The following MUC6 variants were observed in gnomAD, a reference collection of about 807,000 sequenced individuals.
MUC6 encodes the protein mucin-6.
Under a neutral mutation model 201.5 loss-of-function variants are expected in MUC6, and 188 were observed. The observed-to-expected ratio is 0.93, with a 90% CI of 0.83 to 1.05. MUC6 has a LOEUF of 1.05. Among genes scored for constraint, MUC6 ranks in the 50% least tolerant of loss-of-function variants. The pLI, the probability that MUC6 is intolerant of heterozygous loss-of-function variation, is 0.00. For missense variants in MUC6, 2,706 were observed against 3,256.9 expected (o/e 0.83, Z 4.12); for synonymous variants, 1,228 against 1,389.4 (o/e 0.88, Z 2.58).
chr11:1,013,275 A>C lies in MUC6; in HGVS notation c.*181T>G. On this transcript the variant is annotated 3_prime_UTR_variant, in exon 33 of 33. Transcript: ENST00000421673. ...GGGTCTGCAGGAGTGTGGTAGTCTG[A>C]GCCCCTGCTTGGCAGCCCCTCTCCA... is the stretch of plus-strand genomic sequence containing the variant. 2 of 619,160 alleles carry C rather than the reference A, an allele frequency of 3.2e-6. No individual in the cohort carries two copies. Among genetic ancestry groups the C allele is most frequent in the South Asian group, 4.0e-5 (2 of 50,202 alleles). 38.4% of individuals were successfully genotyped at this position (619,160 alleles called of 1,614,324 possible).
chr11:1,024,126 GT>G, intron 24 of MUC6, 23 bp from the exon 25 acceptor site: 1 of 1,602,532 alleles, frequency 6.2e-7, no homozygotes, highest in Admixed American at 1.7e-5. Flanking sequence ...GTGCCAGTCA[GT>G]GTCTGGCTGC....
intron 29 of MUC6, among the ~76,000 whole-genome samples, 160 bp from the exon 30 acceptor site, chr11:1,019,656 C>G (rs1356121960): frequency 6.6e-6 from 1 of 152,214 alleles, no homozygotes; most frequent in Non-Finnish European, 1.5e-5. Context: ...GGTCCTCCCA[C>G]CGTACTCCTG....
In MUC6 at chr11:1,024,843, C is replaced by T. The variant is rs764778723; in HGVS notation, c.3225+1G>A. On this transcript the variant is annotated splice_donor_variant, in intron 24 of 32. Coordinates refer to ENST00000421673, the MANE Select transcript of MUC6 (RefSeq NM_005961.3). LOFTEE classifies it high-confidence loss of function. ...GCACAGCCCTCGTGCCCGGTGCCCACCTTGCTGTGGCAGGTGGCAAAGGTC... is the reference window on the plus strand; with the variant it reads ...GCACAGCCCTCGTGCCCGGTGCCCATCTTGCTGTGGCAGGTGGCAAAGGTC... The T allele has an allele frequency of 2.5e-6, 4 of 1,608,074 alleles. No homozygotes were observed. Among genetic ancestry groups the T allele is most frequent in the Non-Finnish European group, 3.4e-6 (4 of 1,176,312 alleles).
chr11:1,025,248 C>T lies in MUC6; in HGVS notation c.2919G>A (p.Arg973=), dbSNP rs374036863. 2 of 1,612,692 alleles carry T rather than the reference C, an allele frequency of 1.2e-6. No individual in the cohort carries two copies. Among genetic ancestry groups the T allele is most frequent in the African/African-American group, 2.7e-5 (2 of 74,954 alleles). ...SLVVDISIPG[R]YNLTLIWNRH... Reference sequence around the variant, plus strand: ...TGTTCCAGATGAGCGTCAGGTTGTACCTCCCGGGGATGCTGATGTCCACGA... The same window carrying T: ...TGTTCCAGATGAGCGTCAGGTTGTATCTCCCGGGGATGCTGATGTCCACGA... The change falls in exon 23 of 33, where the codon AGG becomes AGA. Residue 973 remains arginine, a synonymous_variant. Transcript: ENST00000421673.
In MUC6 at chr11:1,028,216, G is replaced by A. The variant is rs1233075405; in HGVS notation, c.1753+10C>T. The A allele has an allele frequency of 1.3e-5, 20 of 1,560,228 alleles. No homozygotes were observed. The highest frequency in any genetic ancestry group is 2.4e-5 in the South Asian group (2 of 84,844). On this transcript the variant is annotated intron_variant, in intron 14 of 32. Coordinates refer to ENST00000421673, the MANE Select transcript of MUC6 (RefSeq NM_005961.3). ...GGGGCAGCCAGGGGAGTGGGGGGCC[G>A]GACACTCACTGTTGAGCTGGCTCAT...
intron 19 of MUC6, 38 bp from the exon 20 acceptor site, chr11:1,026,516 C>T (rs1423724488): frequency 6.5e-7 from 1 of 1,527,118 alleles, no homozygotes; most frequent in Non-Finnish European, 8.8e-7. Context: ...GGGAGGGTGG[C>T]CTCAGCCAGC....
chr11:1,023,657 G>T lies in MUC6; in HGVS notation c.3383-5C>A. ...TGTAGAAGCCGCAGTAGATGGCTGG[G>T]AGGAAGGGAGCTGTCAGCTGGTGGG... On this transcript the variant is annotated splice_polypyrimidine_tract_variant and splice_region_variant and intron_variant, in intron 25 of 32. Transcript: ENST00000421673. 1 of 1,611,954 alleles carries T rather than the reference G, an allele frequency of 6.2e-7. No homozygotes were observed. Among genetic ancestry groups the T allele is most frequent in the South Asian group, 1.1e-5 (1 of 90,972 alleles).
chr11:1,025,322 C>T lies in MUC6; in HGVS notation c.2845G>A (p.Glu949Lys). 1 of 1,612,272 alleles carries T rather than the reference C, an allele frequency of 6.2e-7. No homozygotes were observed. Among genetic ancestry groups the T allele is most frequent in the Middle Eastern group, 1.7e-4 (1 of 6,060 alleles). The change falls in exon 23 of 33, where the codon GAG (glutamate) becomes AAG (lysine). Residue 949 changes from glutamate (E) to lysine (K), a missense_variant. By Grantham distance (56) the Glu-to-Lys change is moderately conservative. This residue lies in a region of MUC6 where 1,850 missense variants were observed against 1,958.3 expected (regional missense o/e 0.94). Coordinates refer to ENST00000421673, the MANE Select transcript of MUC6 (RefSeq NM_005961.3). Reference protein sequence around the residue: ...LADRNYTVTGEEPHVQLGVTP... With the variant: ...LADRNYTVTGKEPHVQLGVTP... ...ACCCCGAGCTGCACGTGGGGCTCCT[C>T]CCCGGTGACCGTGTAGTTTCTGTCC...
At position 1,033,857 on chromosome 11, in the gene MUC6, G is replaced by A. The variant is rs960329083; in HGVS notation, c.53-782C>T. Among the ~76,000 whole-genome samples, 4 of 151,960 alleles carry A rather than the reference G, an allele frequency of 2.6e-5. No homozygotes were observed. Among genetic ancestry groups the A allele is most frequent in the East Asian group, 1.9e-4 (1 of 5,164 alleles). The stretch of plus-strand genomic sequence containing the variant: ...GCCCCCGATGTCTGAGTGGTGGTGC[G>A]GCACCTGAGCAGGACCCGTGACCTC... On this transcript the variant is annotated intron_variant, in intron 1 of 32. Coordinates refer to ENST00000421673, the MANE Select transcript of MUC6 (RefSeq NM_005961.3). The surrounding 1 kb of genome is among the most constrained non-coding windows in gnomAD (Gnocchi z 5.6).
chr11:1,030,621 T>C lies in MUC6; in HGVS notation c.844A>G (p.Ser282Gly), dbSNP rs1857078715. The change falls in exon 7 of 33, where the codon AGC becomes GGC. Residue 282 changes from serine to glycine, a missense_variant. Physicochemically the swap from Ser to Gly is moderately conservative, Grantham distance 56. This residue lies in a region of MUC6 where 1,850 missense variants were observed against 1,958.3 expected (regional missense o/e 0.94). Coordinates refer to ENST00000421673, the MANE Select transcript of MUC6 (RefSeq NM_005961.3). ...ATLSEYSRQC[S>G]MVGQPVRRWR... is the part of the protein sequence containing the mutation. ...CGGCGGACCGGCTGGCCCACCATGC[T>C]GCACTGGCGGGAGTACTCCGACAGG... The C allele has an allele frequency of 1.3e-6, 2 of 1,541,754 alleles. No homozygotes were observed. The highest frequency in any genetic ancestry group is 2.4e-5 in the East Asian group (1 of 41,078).
At chr11:1,032,928 G>A in intron 2 of MUC6, 85 bp downstream of exon 2, 2 of 1,240,278 alleles carry the variant, frequency 1.6e-6, no homozygotes, top group East Asian at 4.7e-5. Flanking sequence ...GTGTCTTGGG[G>A]GTGACCTGGG....
In MUC6 at chr11:1,018,567, C is replaced by G; in HGVS notation, c.4234G>C (p.Ala1412Pro). The change falls in exon 31 of 33, where the codon GCG (alanine) becomes CCG (proline). Residue 1412 changes from alanine to proline, a missense_variant. Around this residue, in one of 10 missense-constraint regions of MUC6, gnomAD observed 1,850 missense variants for 1,958.3 expected, o/e 0.94. Transcript: ENST00000421673. ...CCTGTGGAAGGGACGGGACTCCCCG[C>G]CGTAGGCGGGGAGTGTGTGGTGTGT... ...TPHTTHSPPT[A>P]GSPVPSTGPV... 2 of 1,612,882 alleles carry G rather than the reference C, an allele frequency of 1.2e-6. No individual in the cohort carries two copies. Among genetic ancestry groups the G allele is most frequent in the Non-Finnish European group, 1.7e-6 (2 of 1,179,524 alleles).
intron 1 of MUC6, among the ~76,000 whole-genome samples, chr11:1,034,952 CTGGCTG>C (rs954213214): frequency 1.5e-4 from 23 of 152,236 alleles, no homozygotes; most frequent in African/African-American, 5.1e-4. Flanking sequence ...CCTGCCCAGA[CTGGCTG>C]TGCTTCCCCT....
In MUC6 at chr11:1,019,252, C is replaced by T. The variant is rs1417924417; in HGVS notation, c.4030+23G>A. ...GACCGGGTGCCTTCGGCAGTGCTGG[C>T]ATCCCATGGCGCCATGACTTACGCA... On this transcript the variant is annotated intron_variant, in intron 30 of 32. Coordinates refer to ENST00000421673, the MANE Select transcript of MUC6 (RefSeq NM_005961.3). 1.3e-5 allele frequency: 21 copies of T among 1,611,150 alleles called. No homozygotes were observed. In the East Asian group the frequency reaches 4.2e-4, roughly 33 times the overall value.
Position 1,016,742 on chromosome 11 carries a change from C to T in MUC6, c.6059G>A (p.Ser2020Asn), listed in dbSNP as rs201591120. Residue 2020 changes from serine (S) to asparagine (N), a missense_variant, in exon 31 of 33, where the codon AGT becomes AAT. Ser to Asn is a conservative substitution (Grantham distance 46). Transcript: ENST00000421673. ...PPFSTSLVTP[S>N]THTVIITTHT... ...GGTAGTGATGATGACTGTGTGAGTA[C>T]TTGGAGTCACCAAGGAGGTGGAGAA... 837 of 1,525,084 alleles carry T rather than the reference C, an allele frequency of 5.5e-4. No individual in the cohort carries two copies. The highest frequency in any genetic ancestry group is 6.6e-4 in the Non-Finnish European group (727 of 1,105,756). The allele number at this position is 1,525,084 out of a possible 1,614,324, so 94.5% of individuals were successfully genotyped here.
intron 28 of MUC6, 99 bp from the exon 29 acceptor site, chr11:1,020,356 G>A: frequency 3.5e-6 from 5 of 1,434,620 alleles, no homozygotes; most frequent in Non-Finnish European, 4.7e-6. Context: ...GGGCAGCCCT[G>A]CAGGGGCCAA....
At chr11:1,031,299 G>C in intron 4 of MUC6, 40 bp from the exon 5 acceptor site, 1 of 1,535,492 alleles carries the variant, frequency 6.5e-7, no homozygotes, top group East Asian at 2.4e-5. Flanking sequence ...GGGGCCAGGG[G>C]CCCCCTCATC....
rs373896698 is a variant in MUC6, at chr11:1,031,672, G to A, written c.418C>T (p.Arg140Trp). The change falls in exon 4 of 33, where the codon CGG becomes TGG. Residue 140 changes from arginine to tryptophan, a missense_variant. By Grantham distance (101) the Arg-to-Trp change is moderately radical. This residue lies in a region of MUC6 where 1,850 missense variants were observed against 1,958.3 expected (regional missense o/e 0.94). Coordinates refer to ENST00000421673, the MANE Select transcript of MUC6 (RefSeq NM_005961.3). ...AGCTCCAGCTGCTTGGCCACCAGCC[G>A]CACGCTCTGGCCGAAGGGTGTGATC... ...LQITPFGQSV[R>W]LVAKQLELEL... The A allele has an allele frequency of 5.8e-6, 9 of 1,550,682 alleles. No homozygotes were observed. Among genetic ancestry groups the A allele is most frequent in the East Asian group, 2.4e-5 (1 of 40,920 alleles).
Position 1,013,361 on chromosome 11 carries a change from A to C in MUC6, c.*95T>G. ...GGGGGCCAGGCCTGGTGACCAGGAAAGCAGCTGCTGGCACAAGCGGGAAGG... is the reference window on the plus strand; with the variant it reads ...GGGGGCCAGGCCTGGTGACCAGGAACGCAGCTGCTGGCACAAGCGGGAAGG... On this transcript the variant is annotated 3_prime_UTR_variant, in exon 33 of 33. Coordinates refer to ENST00000421673, the MANE Select transcript of MUC6 (RefSeq NM_005961.3). 7.5e-7 allele frequency: 1 copy of C among 1,332,530 alleles called. No homozygotes were observed. The highest frequency in any genetic ancestry group is 1.0e-6 in the Non-Finnish European group (1 of 984,534). The allele number at this position is 1,332,530 out of a possible 1,614,324, so 82.5% of individuals were successfully genotyped here. A position where few individuals can be genotyped will look rare whatever the true frequency, so the allele number is the denominator to read the frequency against.
Sources: allele counts gnomAD v4.1 joint callset (sites outside exome capture counted in the v4.1 genomes callset), GRCh38; gene constraint gnomAD v4.1.1; regional missense constraint gnomAD v4.1.1; non-coding constraint Gnocchi (gnomAD v3.1); transcripts MANE v1.5; gene names NCBI Gene and HGNC (gene_info 2026-07-23, HGNC 2026-07-21).